Variants in CYRIB observed in about 807,000 individuals in gnomAD.
CYRIB encodes CYFIP-related Rac1 interactor B.
A neutral mutation model predicts 44.2 loss-of-function variants in CYRIB; 8 were observed. The observed-to-expected ratio is 0.18, with a 90% CI of 0.11 to 0.33. The LOEUF (loss-of-function observed/expected upper bound fraction) is 0.33. CYRIB is among the 10% of genes least tolerant of loss of function. CYRIB has a pLI of 1.00. For synonymous variants in CYRIB, 131 were observed against 127.2 expected (o/e 1.03, Z -0.20); for missense variants, 185 against 382.8 (o/e 0.48, Z 4.31).
intron 1 of CYRIB, among the ~76,000 whole-genome samples, chr8:130,011,637 A>G (rs1388716990): frequency 3.3e-5 from 5 of 151,710 alleles, no homozygotes; most frequent in South Asian, 4.1e-4. Flanking sequence ...CAAACACGGT[A>G]AAACCCCATC....
chr8:129,845,750 T>C (rs78204434), intron 11 of CYRIB, among the ~76,000 whole-genome samples: 2,869 of 152,324 alleles, frequency 0.019, 97 homozygotes, highest in African/African-American at 0.064. Flanking sequence ...GTTTAAACCC[T>C]CAAAAAATCA....
At chr8:129,886,531 G>A (rs1450273879) in intron 2 of CYRIB, among the ~76,000 whole-genome samples, 1 of 152,024 alleles carries the variant, frequency 6.6e-6, no homozygotes. Flanking sequence ...TCTCTTTGCA[G>A]CAAAATTCCT....
At chr8:129,971,218 C>A (rs1027359063) in intron 1 of CYRIB, among the ~76,000 whole-genome samples, 15 of 152,180 alleles carry the variant, frequency 9.9e-5, no homozygotes, top group African/African-American at 3.6e-4. Context: ...CGGCTCACTG[C>A]AACCTCTGCC....
chr8:129,992,477 T>C (rs2096662612), intron 1 of CYRIB, among the ~76,000 whole-genome samples: 1 of 152,148 alleles, frequency 6.6e-6, no homozygotes. Flanking sequence ...CAGCCATCAT[T>C]ATTATGAGTT....
intron 8 of CYRIB, 186 bp downstream of exon 10, chr8:129,851,976 C>G: frequency 2.5e-6 from 1 of 396,010 alleles, no homozygotes; most frequent in Non-Finnish European, 4.5e-6. Flanking sequence ...ACCATCCCTC[C>G]AGAGAAACTG....
At chr8:129,978,197 G>A (rs183441886) in intron 1 of CYRIB, among the ~76,000 whole-genome samples, 12 of 152,240 alleles carry the variant, frequency 7.9e-5, no homozygotes, top group East Asian at 1.9e-4. Context: ...GTGGGCCACC[G>A]TGCCCAGTCT....
At chr8:129,871,308 A>ACAGG in intron 4 of CYRIB, 67 bp downstream of exon 6, 2 of 1,525,644 alleles carry the variant, frequency 1.3e-6, no homozygotes, top group Non-Finnish European at 1.8e-6. Flanking sequence ...AGTCTAGAAA[A>ACAGG]CAAGAGATTA....
Position 129,860,705 on chromosome 8 carries a change from T to C in CYRIB, c.301+1524A>G, listed in dbSNP as rs141256285. Among the ~76,000 whole-genome samples the C allele has an allele frequency of 5.2e-4, 79 of 152,020 alleles. No individual in the cohort carries two copies. The South Asian group carries it at 0.01, about 20-fold the overall frequency. On this transcript the variant is annotated intron_variant, in intron 5 of 11. Coordinates refer to ENST00000519824, the Ensembl canonical transcript of CYRIB. ...GAAGTTACAAATACAAATGGCCAAA[T>C]AGCAAATATAAATATAGTAAGATAT...
At chr8:129,926,857 A>G (rs927714773) in intron 1 of CYRIB, among the ~76,000 whole-genome samples, 2 of 152,266 alleles carry the variant, frequency 1.3e-5, no homozygotes, top group Non-Finnish European at 2.9e-5. Context: ...ATTATCACCA[A>G]CTGCCAAAAA....
chr8:129,867,721 T>C (rs1004583775), intron 4 of CYRIB, among the ~76,000 whole-genome samples: 2 of 152,188 alleles, frequency 1.3e-5, no homozygotes, highest in African/African-American at 4.8e-5. Flanking sequence ...ATTGTCTAAT[T>C]TTATCTTCAT....
At chr8:129,961,533 T>C (rs757176102) in intron 2 of CYRIB, among the ~76,000 whole-genome samples, 2 of 152,230 alleles carry the variant, frequency 1.3e-5, no homozygotes, top group Non-Finnish European at 2.9e-5. Context: ...ACTCCCATTA[T>C]CATAGATCTG....
At chr8:129,893,353 A>T (rs1178684921) in intron 2 of CYRIB, among the ~76,000 whole-genome samples, 1 of 152,174 alleles carries the variant, frequency 6.6e-6, no homozygotes, top group Non-Finnish European at 1.5e-5. Flanking sequence ...AGTGGAAGAG[A>T]CCAGACAAGC....
At chr8:129,872,297 G>A (rs967178506) in intron 3 of CYRIB, among the ~76,000 whole-genome samples, 2 of 152,076 alleles carry the variant, frequency 1.3e-5, no homozygotes, top group East Asian at 3.8e-4. Context: ...ACACACTTGG[G>A]AGTAAGAGAA....
intron 1 of CYRIB, among the ~76,000 whole-genome samples, chr8:129,973,922 C>T (rs973354694): frequency 3.9e-5 from 6 of 152,178 alleles, no homozygotes; most frequent in South Asian, 4.1e-4. Flanking sequence ...TGTCCTTATC[C>T]GTCTCCTCCA....
Position 129,855,603 on chromosome 8 carries a change from A to G in CYRIB, c.438+8T>C, listed in dbSNP as rs199602343. On this transcript the variant is annotated splice_region_variant and intron_variant, in intron 6 of 11. Transcript: ENST00000519824. The stretch of plus-strand genomic sequence containing the variant: ...TTCGTAACAATCAGGGCCAATAGAT[A>G]ATTCTACCTTGAGTTCATCAAACCG... 636 of 1,613,916 alleles carry G rather than the reference A, an allele frequency of 3.9e-4. 1 individual carries two copies. Among genetic ancestry groups the G allele is most frequent in the Non-Finnish European group, 4.8e-4 (571 of 1,179,928 alleles).
intron 1 of CYRIB, chr8:129,912,559 T>G (rs1350057867): frequency 1.3e-5 from 2 of 152,066 alleles, no homozygotes; most frequent in Non-Finnish European, 2.9e-5. Flanking sequence ...CCTCAAAAGA[T>G]GCACAGATGC....
intron 1 of CYRIB, among the ~76,000 whole-genome samples, chr8:129,913,742 G>T (rs1437890509): frequency 6.6e-6 from 1 of 151,986 alleles, no homozygotes. Context: ...CTCTAGTGGG[G>T]ATAATATTAA....
intron 2 of CYRIB, among the ~76,000 whole-genome samples, chr8:129,962,976 T>G (rs1354694250): frequency 6.6e-6 from 1 of 152,180 alleles, no homozygotes. Flanking sequence ...TGATCCAAGA[T>G]GGCCAATCAG....
chr8:129,905,380 G>A (rs993443746), intron 1 of CYRIB, among the ~76,000 whole-genome samples: 11 of 152,074 alleles, frequency 7.2e-5, no homozygotes, highest in African/African-American at 1.7e-4. Context: ...ACCATTCCCC[G>A]CTAATTTTTT....
Sources: allele counts gnomAD v4.1 joint callset (sites outside exome capture counted in the v4.1 genomes callset), GRCh38; gene constraint gnomAD v4.1.1; transcripts MANE v1.5; gene names NCBI Gene and HGNC (gene_info 2026-07-23, HGNC 2026-07-21).